Variants in ARF5 observed in about 807,000 individuals in gnomAD.
ARF5 encodes ARF GTPase 5, also known as ADP-ribosylation factor 5.
ARF5 carries 10 observed loss-of-function variants against 24.8 expected under a neutral mutation model. That is an observed-to-expected ratio of 0.40 (90% CI 0.25 to 0.68). ARF5 has a LOEUF of 0.68. ARF5 is among the 30% of genes least tolerant of loss of function. The probability of loss-of-function intolerance (pLI) is 0.36; values close to 1 mark genes in which losing one functional copy is unlikely to be tolerated. For synonymous variants in ARF5, 102 were observed against 95.1 expected, an observed-to-expected ratio of 1.07 and a Z score of -0.42; for missense variants, 135 against 239.2, an observed-to-expected ratio of 0.56 and a Z score of 2.87.
chr7:127,588,530 G>T lies in ARF5; in HGVS notation c.32G>T (p.Arg11Leu). The T allele has an allele frequency of 1.4e-6, 2 of 1,464,906 alleles. No individual in the cohort carries two copies. The highest frequency in any genetic ancestry group is 1.8e-6 in the Non-Finnish European group (2 of 1,097,200). The allele number at this position is 1,464,906 out of a possible 1,614,324, so 90.7% of individuals were successfully genotyped here. A position where few individuals can be genotyped will look rare whatever the true frequency, so the allele number is the denominator to read the frequency against. The change falls in exon 1 of 6, where the codon CGG becomes CTG. Residue 11 changes from arginine (R) to leucine (L), a missense_variant. Transcript: ENST00000000233. MGLTVSALFS[R>L]IFGKKQMRIL... is the part of the protein sequence containing the mutation. The stretch of plus-strand genomic sequence containing the variant: ...CTCACCGTGTCCGCGCTCTTTTCGC[G>T]GATCTTCGGGAAGAAGCAGATGCGG...
chr7:127,590,284 C>T, intron 4 of ARF5, 147 bp downstream of exon 4: 1 of 654,332 alleles, frequency 1.5e-6, no homozygotes, highest in South Asian at 1.8e-5. Flanking sequence ...GTGTATCTCA[C>T]CCTGTTTTGG....
At chr7:127,589,378 C>T (rs1794251485) in intron 2 of ARF5, 107 bp from the exon 3 acceptor site, 2 of 1,142,828 alleles carry the variant, frequency 1.8e-6, no homozygotes, top group Admixed American at 1.9e-5. Flanking sequence ...TTCCCCTGGG[C>T]CTTGATCATT....
chr7:127,588,665 C>A, intron 1 of ARF5, 100 bp downstream of exon 1: 1 of 1,133,594 alleles, frequency 8.8e-7, no homozygotes, highest in Non-Finnish European at 1.2e-6. Flanking sequence ...GGTCTCTGGC[C>A]CCGAGTCACC....
At position 127,588,484 on chromosome 7, in the gene ARF5, T is replaced by A; in HGVS notation, c.-15T>A. Reference sequence around the variant, plus strand: ...CACCCCGCGTCGGTGCCCGCGCCCCTCCCCGGGCCCCGCCATGGGCCTCAC... The same window carrying A: ...CACCCCGCGTCGGTGCCCGCGCCCCACCCCGGGCCCCGCCATGGGCCTCAC... On this transcript the variant is annotated 5_prime_UTR_variant, in exon 1 of 6. Coordinates refer to ENST00000000233, the MANE Select transcript of ARF5 (RefSeq NM_001662.4). 7.0e-7 allele frequency: 1 copy of A among 1,420,824 alleles called. No individual in the cohort carries two copies. Among genetic ancestry groups the A allele is most frequent in the Non-Finnish European group, 9.3e-7 (1 of 1,075,334 alleles). 88.0% of individuals were successfully genotyped at this position (1,420,824 alleles called of 1,614,324 possible).
intron 3 of ARF5, 67 bp from the exon 4 acceptor site, chr7:127,589,999 G>A (rs1587536234): frequency 7.4e-7 from 1 of 1,352,718 alleles, no homozygotes; most frequent in African/African-American, 1.4e-5. Context: ...AAAACAGAAA[G>A]GGCCACACTA....
chr7:127,588,645 C>T (rs1336436429), intron 1 of ARF5, 80 bp downstream of exon 1: 12 of 1,238,520 alleles, frequency 9.7e-6, no homozygotes, highest in Admixed American at 7.9e-5. Flanking sequence ...CCTCCAGCCC[C>T]GCTCACCTGG....
chr7:127,589,446 TC>T (rs1228421603), intron 2 of ARF5, 38 bp from the exon 3 acceptor site: 2 of 1,518,150 alleles, frequency 1.3e-6, no homozygotes, highest in Admixed American at 3.5e-5. Flanking sequence ...TTCCTTTCTT[TC>T]AGGAGTTTTC....
At chr7:127,589,300 C>A in intron 2 of ARF5, 137 bp downstream of exon 2, 1 of 1,135,826 alleles carries the variant, frequency 8.8e-7, no homozygotes. Flanking sequence ...GGTATCTCTA[C>A]GTGGATACCG....
intron 4 of ARF5, 100 bp from the exon 5 acceptor site, chr7:127,590,863 C>CT (rs542197141): frequency 2.8e-4 from 395 of 1,433,344 alleles, no homozygotes; most frequent in South Asian, 5.5e-4. Flanking sequence ...CTGCACAATA[C>CT]TTTTTTTTTC....
chr7:127,588,611 G>C (rs1794239183), intron 1 of ARF5, 46 bp downstream of exon 1: 1 of 1,301,704 alleles, frequency 7.7e-7, no homozygotes, highest in Non-Finnish European at 9.9e-7. Flanking sequence ...GCCGGCCCCG[G>C]CGCAGCCCTT....
chr7:127,588,612 C>T (rs1166441503), intron 1 of ARF5, 47 bp downstream of exon 1: 1 of 1,294,882 alleles, frequency 7.7e-7, no homozygotes, highest in Non-Finnish European at 9.9e-7. Flanking sequence ...CCGGCCCCGG[C>T]GCAGCCCTTC....
intron 5 of ARF5, 25 bp downstream of exon 5, chr7:127,591,113 T>A (rs775471862): frequency 6.2e-7 from 1 of 1,613,156 alleles, no homozygotes; most frequent in Non-Finnish European, 8.5e-7. Flanking sequence ...CACCTGGTGC[T>A]GAATCCTGCC....
intron 4 of ARF5, among the ~76,000 whole-genome samples, chr7:127,590,761 A>G (rs1794274647): frequency 1.3e-5 from 2 of 152,360 alleles, no homozygotes; most frequent in Middle Eastern, 3.4e-3. Flanking sequence ...CTAGGCAAGT[A>G]CTCAAATTAG....
chr7:127,588,959 C>G (rs1794244988), intron 1 of ARF5, 124 bp from the exon 2 acceptor site: 2 of 1,136,050 alleles, frequency 1.8e-6, no homozygotes, highest in African/African-American at 1.5e-5. Flanking sequence ...GATAACGACG[C>G]GCACCTGGAG....
chr7:127,589,437 TC>T, intron 2 of ARF5, 47 bp from the exon 3 acceptor site: 1 of 1,470,536 alleles, frequency 6.8e-7, no homozygotes, highest in Non-Finnish European at 9.5e-7. Flanking sequence ...TTTAGTGAGT[TC>T]CTTTCTTTCA....
rs1254209062 is a variant in ARF5 at position 127,590,993 on chromosome 7, C to T, written c.361C>T (p.Leu121=). The change falls in exon 5 of 6, where the codon CTG becomes TTG. Residue 121 remains leucine (L), a synonymous_variant. Coordinates refer to ENST00000000233, the MANE Select transcript of ARF5 (RefSeq NM_001662.4). The part of the protein sequence containing the change: ...LQEDELRDAV[L]LVFANKQDMP... ...GGAGGACGAGCTGCGGGATGCAGTG[C>T]TGCTGGTATTTGCCAACAAGCAGGA... The T allele has an allele frequency of 6.2e-6, 10 of 1,613,890 alleles. No homozygotes were observed. Among genetic ancestry groups the T allele is most frequent in the Non-Finnish European group, 8.5e-6 (10 of 1,179,988 alleles).
rs1415448845 is a variant in ARF5 at position 127,591,411 on chromosome 7, A to G, written c.*112A>G. On this transcript the variant is annotated 3_prime_UTR_variant, in exon 6 of 6. Transcript: ENST00000000233. ...TTTCCTCCCACTTTTCCTCCCCCAT[A>G]GCCACAGGCCTCTGCTCCTGCTCCT... 22 of 902,374 alleles carry G rather than the reference A, an allele frequency of 2.4e-5. No homozygotes were observed. Among genetic ancestry groups the G allele is most frequent in the Non-Finnish European group, 2.9e-5 (18 of 614,860 alleles). The allele number at this position is 902,374 out of a possible 1,614,324, so 55.9% of individuals were successfully genotyped here.
chr7:127,591,122 C>T, intron 5 of ARF5, 34 bp downstream of exon 5: 1 of 1,612,566 alleles, frequency 6.2e-7, no homozygotes, highest in South Asian at 1.1e-5. Context: ...CTGAATCCTG[C>T]CTCTTGAGGG....
At position 127,591,642 on chromosome 7, in the gene ARF5, T is replaced by C; in HGVS notation, c.*343T>C. The C allele has an allele frequency of 3.2e-6, 1 of 310,972 alleles. No homozygotes were observed. Among genetic ancestry groups the C allele is most frequent in the Non-Finnish European group, 6.0e-6 (1 of 165,842 alleles). The allele number at this position is 310,972 out of a possible 1,614,324, so 19.3% of individuals were successfully genotyped here. On this transcript the variant is annotated 3_prime_UTR_variant, in exon 6 of 6. Transcript: ENST00000000233. ...AGGTTGGGAGGGGGAAGGTGAGGGC[T>C]TCGGGTGGTGCTATAATGTGGCACT...
Sources: gnomAD v4.1 joint callset for allele counts (sites outside exome capture counted in the v4.1 genomes callset) on GRCh38, gnomAD v4.1.1 for gene constraint, MANE v1.5 for transcripts, NCBI Gene and HGNC (gene_info 2026-07-23, HGNC 2026-07-21) for gene names.